ABCG2: variants seen among roughly 807,000 people sequenced by gnomAD.
The protein encoded by ABCG2 is ATP binding cassette subfamily G member 2 (JR blood group).
ABCG2 carries 80 observed loss-of-function variants against 73.5 expected under a neutral mutation model. That is an observed-to-expected ratio of 1.09 (90% confidence interval 0.91 to 1.31). The LOEUF is 1.31. ABCG2 is among the 50% of genes most tolerant of loss of function. The pLI, the probability that ABCG2 is intolerant of heterozygous loss-of-function variation, is 0.00. For synonymous variants in ABCG2, 269 were observed against 282.4 expected (o/e 0.95, Z 0.48); for missense variants, 796 against 786.2 (o/e 1.01, Z -0.15).
At chr4:88,152,853 G>A (rs544691948) in intron 1 of ABCG2, among the ~76,000 whole-genome samples, 108 of 152,212 alleles carry the variant, frequency 7.1e-4, no homozygotes, top group African/African-American at 1.3e-3. Context: ...TGCTTCAAGT[G>A]GGATTAGGGG....
At chr4:88,216,076 C>A (rs1395336156) in intron 1 of ABCG2, among the ~76,000 whole-genome samples, 14 of 152,170 alleles carry the variant, frequency 9.2e-5, no homozygotes, top group Non-Finnish European at 2.1e-4. Flanking sequence ...AAGGGGACGA[C>A]TACACTTAGG....
At chr4:88,126,633 C>G (rs766061762) in intron 5 of ABCG2, among the ~76,000 whole-genome samples, 6 of 152,178 alleles carry the variant, frequency 3.9e-5, no homozygotes, top group African/African-American at 7.2e-5. Context: ...ATATAGAAAT[C>G]AATAAATGTA....
At chr4:88,164,655 C>T (rs924222961) in intron 1 of ABCG2, among the ~76,000 whole-genome samples, 16 of 152,198 alleles carry the variant, frequency 1.1e-4, no homozygotes, top group Non-Finnish European at 2.4e-4. Context: ...ATAAATTACC[C>T]AGTCTCGGGT....
At chr4:88,167,041 A>G (rs574957151) in intron 1 of ABCG2, among the ~76,000 whole-genome samples, 293 of 152,246 alleles carry the variant, frequency 1.9e-3, no homozygotes, top group Non-Finnish European at 3.4e-3. Context: ...TCTTAAAACA[A>G]TACCCATTTA....
In ABCG2 at chr4:88,118,221, A is replaced by T. The variant is rs1452525629; in HGVS notation, c.729T>A (p.His243Gln). Residue 243 changes from histidine to glutamine, a missense_variant, in exon 7 of 16, where the codon CAT (histidine) becomes CAA (glutamine). Transcript: ENST00000237612. ...KQGRTIIFSI[H>Q]QPRYSIFKLF... ...ACTTGAAGATGGAATATCGAGGCTG[A>T]TGAATGGAGAAGATGATTGTTCGTC... 2 of 1,614,222 alleles carry T rather than the reference A, an allele frequency of 1.2e-6. No individual in the cohort carries two copies. Among genetic ancestry groups the T allele is most frequent in the Admixed American group, 3.3e-5 (2 of 60,026 alleles).
At chr4:88,202,206 C>T (rs1027778951) in intron 1 of ABCG2, among the ~76,000 whole-genome samples, 5 of 151,292 alleles carry the variant, frequency 3.3e-5, no homozygotes, top group African/African-American at 1.2e-4. Context: ...TGTCAACTTT[C>T]GGCCAAGAAA....
At chr4:88,169,807 A>C (rs555788356) in intron 1 of ABCG2, among the ~76,000 whole-genome samples, 1 of 152,190 alleles carries the variant, frequency 6.6e-6, no homozygotes, top group South Asian at 2.1e-4. Flanking sequence ...GTTTGGCACT[A>C]AAGAAGAGAA....
intron 1 of ABCG2, among the ~76,000 whole-genome samples, chr4:88,168,484 T>C (rs1727628550): frequency 1.1e-5 from 1 of 95,030 alleles, no homozygotes; most frequent in Non-Finnish European, 2.2e-5. Context: ...AGGCTTCCTC[T>C]CAAAAAAAAA....
chr4:88,136,996 G>A (rs1449297796), intron 2 of ABCG2, among the ~76,000 whole-genome samples: 1 of 119,930 alleles, frequency 8.3e-6, no homozygotes, highest in African/African-American at 2.7e-5. Context: ...TGGGCAACAA[G>A]AGCAAACCTC....
Position 88,090,992 on chromosome 4 carries a change from A to AGAT in ABCG2, c.*1239_*1241dup, listed in dbSNP as rs1437229538. The AGAT allele has an allele frequency of 6.6e-6, 1 of 152,258 alleles. No homozygotes were observed. The highest frequency in any genetic ancestry group is 1.5e-5 in the Non-Finnish European group (1 of 68,046). The allele number at this position is 152,258 out of a possible 1,614,324, so 9.4% of individuals were successfully genotyped here. A position where few individuals can be genotyped will look rare whatever the true frequency, so the allele number is the denominator to read the frequency against. On this transcript the variant is annotated 3_prime_UTR_variant, in exon 16 of 16. Transcript: ENST00000237612. The stretch of plus-strand genomic sequence containing the variant: ...ATTAAAAGTTTATTAAAAAGTGGGG[A>AGAT]GATAATTAAGTATCAACCTATGCAC...
intron 1 of ABCG2, among the ~76,000 whole-genome samples, chr4:88,201,207 T>C (rs1729150576): frequency 1.7e-5 from 1 of 57,542 alleles, no homozygotes; most frequent in South Asian, 4.0e-4. Context: ...TTGCACTAAC[T>C]GCAAAAAAAA....
chr4:88,138,405 T>G (rs1214831327), intron 2 of ABCG2, among the ~76,000 whole-genome samples: 1 of 152,198 alleles, frequency 6.6e-6, no homozygotes, highest in South Asian at 2.1e-4. Flanking sequence ...ACTGTTTTTA[T>G]CTTCTTCCCC....
chr4:88,105,139 G>T (rs1159343090), intron 10 of ABCG2, among the ~76,000 whole-genome samples: 1 of 152,096 alleles, frequency 6.6e-6, no homozygotes, highest in Non-Finnish European at 1.5e-5. Flanking sequence ...ACATCACTCT[G>T]GTAAACTGCT....
At chr4:88,113,832 TG>T (rs1263203349) in intron 8 of ABCG2, among the ~76,000 whole-genome samples, 1 of 151,632 alleles carries the variant, frequency 6.6e-6, no homozygotes, top group Non-Finnish European at 1.5e-5. Context: ...GGCGTGGTGG[TG>T]CGTGCCTGTA....
chr4:88,128,358 G>C (rs1293836293), intron 5 of ABCG2, among the ~76,000 whole-genome samples: 1 of 152,200 alleles, frequency 6.6e-6, no homozygotes, highest in Non-Finnish European at 1.5e-5. Flanking sequence ...GTGCAAGACA[G>C]TGTGGTGATT....
chr4:88,202,016 T>A (rs1729180913), intron 1 of ABCG2, among the ~76,000 whole-genome samples: 1 of 151,950 alleles, frequency 6.6e-6, no homozygotes, highest in African/African-American at 2.4e-5. Context: ...TGGGATTTTT[T>A]AAAGCTCCCC....
At chr4:88,132,505 A>T in intron 3 of ABCG2, 71 bp downstream of exon 3, 1 of 1,468,306 alleles carries the variant, frequency 6.8e-7, no homozygotes, top group Non-Finnish European at 9.5e-7. Context: ...GCTCGCACAC[A>T]AAAAAAAGTG....
At chr4:88,155,579 T>C (rs577744074) in intron 1 of ABCG2, among the ~76,000 whole-genome samples, 1 of 152,308 alleles carries the variant, frequency 6.6e-6, no homozygotes, top group South Asian at 2.1e-4. Flanking sequence ...ATTTGCTAAG[T>C]CACAAACTTT....
chr4:88,213,490 C>A (rs980559747), intron 1 of ABCG2, among the ~76,000 whole-genome samples: 8 of 152,094 alleles, frequency 5.3e-5, no homozygotes, highest in African/African-American at 1.4e-4. Context: ...CCTAGAGGAA[C>A]TGCCCATGTT....
Sources: allele counts gnomAD v4.1 joint callset (sites outside exome capture counted in the v4.1 genomes callset), GRCh38; gene constraint gnomAD v4.1.1; transcripts MANE v1.5; gene names NCBI Gene and HGNC (gene_info 2026-07-23, HGNC 2026-07-21).